Variants in KLHL1 observed in about 807,000 individuals in gnomAD.
The protein encoded by KLHL1 is kelch like family member 1, also known as kelch-like protein 1.
A neutral mutation model predicts 77.7 loss-of-function variants in KLHL1; 47 were observed. The ratio of observed to expected loss-of-function variants is 0.60; its 90% CI spans 0.48 to 0.77. KLHL1 has a LOEUF of 0.77. Among genes scored for constraint, KLHL1 ranks in the 30% least tolerant of loss-of-function variants. The pLI, the probability that KLHL1 is intolerant of heterozygous loss-of-function variation, is 0.00. For missense variants in KLHL1, 925 were observed against 910.8 expected (o/e 1.02, Z -0.20); for synonymous variants, 360 against 325.2 (o/e 1.11, Z -1.15).
intron 3 of KLHL1, among the ~76,000 whole-genome samples, chr13:69,949,802 G>C (rs2137252819): frequency 6.6e-6 from 1 of 151,714 alleles, no homozygotes; most frequent in Admixed American, 6.6e-5. Context: ...TTTTAGTTTA[G>C]GCAATTTACA....
intron 10 of KLHL1, among the ~76,000 whole-genome samples, chr13:69,703,427 A>T (rs977067896): frequency 3.3e-5 from 5 of 149,740 alleles, no homozygotes; most frequent in African/African-American, 1.2e-4. Context: ...AAAAGTTTTT[A>T]AAAATTTAAG....
intron 1 of KLHL1, among the ~76,000 whole-genome samples, chr13:70,079,363 T>G (rs2137428021): frequency 6.6e-6 from 1 of 152,326 alleles, no homozygotes; most frequent in South Asian, 2.1e-4. Flanking sequence ...TTCTCCTGTA[T>G]GCCGACGTTT....
Position 69,895,704 on chromosome 13 carries a change from T to C in KLHL1, c.1015-13209A>G, listed in dbSNP as rs1881609490. ...AATATTTGGGAATAATCTGTTTCTT[T>C]CTTTTTTCCTTTTTTTTTTTTTCAA... is the stretch of plus-strand genomic sequence containing the variant. On this transcript the variant is annotated intron_variant, in intron 4 of 10. Coordinates refer to ENST00000377844, the MANE Select transcript of KLHL1 (RefSeq NM_020866.3). Among the ~76,000 whole-genome samples, 7 of 114,550 alleles carry C rather than the reference T, an allele frequency of 6.1e-5. No homozygotes were observed. The South Asian group carries it at 2.5e-3, about 41-fold the overall frequency. 75.1% of individuals were successfully genotyped at this position (114,550 alleles called of 152,430 possible).
At chr13:69,714,105 C>G (rs937923680) in intron 9 of KLHL1, among the ~76,000 whole-genome samples, 1 of 152,032 alleles carries the variant, frequency 6.6e-6, no homozygotes, top group African/African-American at 2.4e-5. Flanking sequence ...ATAGAATGAT[C>G]CAGAAAGGAA....
chr13:70,011,102 T>G (rs1289162004), intron 1 of KLHL1, among the ~76,000 whole-genome samples: 1 of 152,048 alleles, frequency 6.6e-6, no homozygotes, highest in Non-Finnish European at 1.5e-5. Flanking sequence ...GATCACCCAA[T>G]GACTACCTGT....
intron 1 of KLHL1, among the ~76,000 whole-genome samples, chr13:70,100,705 T>G (rs1887904770): frequency 6.6e-6 from 1 of 152,218 alleles, no homozygotes; most frequent in Non-Finnish European, 1.5e-5. Context: ...TATCTGTATC[T>G]TCATCAGATC....
intron 6 of KLHL1, among the ~76,000 whole-genome samples, chr13:69,827,421 G>T (rs1469568279): frequency 6.6e-6 from 1 of 151,676 alleles, no homozygotes; most frequent in Admixed American, 6.6e-5. Context: ...TATTTAGCAG[G>T]CCTTTTAAAA....
At chr13:69,852,349 G>A (rs997752201) in intron 5 of KLHL1, among the ~76,000 whole-genome samples, 4 of 151,820 alleles carry the variant, frequency 2.6e-5, no homozygotes, top group African/African-American at 4.8e-5. Flanking sequence ...ATGTTAACTC[G>A]GATGGTAGGA....
intron 8 of KLHL1, among the ~76,000 whole-genome samples, chr13:69,738,482 A>G (rs998922986): frequency 6.6e-6 from 1 of 152,124 alleles, no homozygotes; most frequent in Non-Finnish European, 1.5e-5. Flanking sequence ...AACTCATTGC[A>G]AAGAAACTAA....
intron 9 of KLHL1, among the ~76,000 whole-genome samples, chr13:69,711,310 CAAATT>C (rs1248437069): frequency 4.6e-5 from 7 of 151,838 alleles, no homozygotes; most frequent in Non-Finnish European, 8.8e-5. Flanking sequence ...CAAACAAAAA[CAAATT>C]AAAAACCAAA....
chr13:70,063,183 C>T (rs531435658), intron 1 of KLHL1, among the ~76,000 whole-genome samples: 9 of 152,234 alleles, frequency 5.9e-5, no homozygotes, highest in Non-Finnish European at 7.4e-5. Context: ...GATTACTTCT[C>T]TAAGTAGACT....
intron 10 of KLHL1, among the ~76,000 whole-genome samples, chr13:69,703,794 T>C (rs930061181): frequency 4.0e-5 from 6 of 151,744 alleles, no homozygotes; most frequent in Non-Finnish European, 7.4e-5. Flanking sequence ...AACATACTTA[T>C]ATAGCTTTGT....
At chr13:69,763,847 T>G (rs1161879321) in intron 7 of KLHL1, among the ~76,000 whole-genome samples, 3 of 152,232 alleles carry the variant, frequency 2.0e-5, no homozygotes, top group Admixed American at 1.3e-4. Flanking sequence ...GTGTTTTATT[T>G]TTCTCCAGAA....
intron 1 of KLHL1, among the ~76,000 whole-genome samples, chr13:69,983,589 A>AAG (rs1884776152): frequency 7.6e-6 from 1 of 132,166 alleles, no homozygotes; most frequent in Non-Finnish European, 1.5e-5. Flanking sequence ...AAAAAAAAAA[A>AAG]AAGAAGAAGA....
intron 7 of KLHL1, among the ~76,000 whole-genome samples, chr13:69,787,191 C>T (rs1225630250): frequency 6.6e-6 from 1 of 152,142 alleles, no homozygotes; most frequent in Non-Finnish European, 1.5e-5. Flanking sequence ...AAAAAGAGCC[C>T]TCATTGCCAA....
intron 1 of KLHL1, among the ~76,000 whole-genome samples, chr13:69,982,726 C>G (rs776824228): frequency 2.0e-5 from 3 of 151,708 alleles, no homozygotes; most frequent in Non-Finnish European, 4.4e-5. Flanking sequence ...AAAAAGAACA[C>G]TACCAACTAT....
intron 5 of KLHL1, among the ~76,000 whole-genome samples, chr13:69,865,811 A>T (rs769295444): frequency 2.0e-5 from 3 of 152,188 alleles, no homozygotes; most frequent in African/African-American, 2.4e-5. Flanking sequence ...ACAAAATATC[A>T]TTCCACTCTC....
At position 69,891,885 on chromosome 13, in the gene KLHL1, A is replaced by G. The variant is rs375527681; in HGVS notation, c.1015-9390T>C. ...ATGTAGGAGAAAGGAGCCTATAGAA[A>G]TAATTTATAAATTTTATTTTTTTAA... On this transcript the variant is annotated intron_variant, in intron 4 of 10. Transcript: ENST00000377844. 5.9e-5 allele frequency among the ~76,000 whole-genome samples: 9 copies of G among 151,960 alleles called. No individual in the cohort carries two copies. In the East Asian group the frequency reaches 9.6e-4, roughly 16 times the overall value.
intron 4 of KLHL1, among the ~76,000 whole-genome samples, chr13:69,898,524 AAT>A (rs1342190707): frequency 1.3e-5 from 2 of 152,288 alleles, no homozygotes; most frequent in East Asian, 3.9e-4. Flanking sequence ...GGTCACCACC[AAT>A]GAGACCCTTG....
Sources: gnomAD v4.1 joint callset for allele counts (sites outside exome capture counted in the v4.1 genomes callset) on GRCh38, gnomAD v4.1.1 for gene constraint, MANE v1.5 for transcripts, NCBI Gene and HGNC (gene_info 2026-07-23, HGNC 2026-07-21) for gene names.